The following PCMTD2 variants were observed in gnomAD, a reference collection of about 807,000 sequenced individuals.
PCMTD2 encodes the protein protein-L-isoaspartate O-methyltransferase domain-containing protein 2.
PCMTD2 carries 16 observed loss-of-function variants against 33.4 expected under a neutral mutation model. The ratio of observed to expected loss-of-function variants is 0.48; its 90% CI spans 0.32 to 0.73. The LOEUF (loss-of-function observed/expected upper bound fraction) is 0.73. PCMTD2 is among the 30% of genes least tolerant of loss of function. The probability of loss-of-function intolerance (pLI) is 0.03; values close to 1 mark genes in which losing one functional copy is unlikely to be tolerated. For missense variants in PCMTD2, 374 were observed against 449.9 expected (o/e 0.83, Z 1.53); for synonymous variants, 161 against 160.8 (o/e 1.00, Z -0.01).
At chr20:64,257,904 G>A (rs1042985789) in intron 1 of PCMTD2, among the ~76,000 whole-genome samples, 6 of 152,340 alleles carry the variant, frequency 3.9e-5, no homozygotes, top group African/African-American at 7.2e-5. Flanking sequence ...GCTTCTTAAT[G>A]TTGTGAAGTG....
intron 1 of PCMTD2, among the ~76,000 whole-genome samples, chr20:64,259,430 G>T (rs6122290): frequency 7.8e-6 from 1 of 127,578 alleles, no homozygotes; most frequent in Non-Finnish European, 1.6e-5. Context: ...GCTCTGTTCC[G>T]CAAGCTGGAG....
intron 5 of PCMTD2, among the ~76,000 whole-genome samples, chr20:64,269,624 G>A (rs111434309): frequency 6.4e-4 from 98 of 152,318 alleles, no homozygotes; most frequent in African/African-American, 2.3e-3. Flanking sequence ...TACGTGATAT[G>A]GGGTCATGTG....
chr20:64,273,889 C>G lies in PCMTD2; in HGVS notation c.*289C>G, dbSNP rs1986014075. The stretch of plus-strand genomic sequence containing the variant: ...AGAGAAGGCTGTTTCTTTTTCGGCT[C>G]TGACGAAACACTGAAGTCTGCGTAA... On this transcript the variant is annotated 3_prime_UTR_variant, in exon 6 of 6. Transcript: ENST00000308824. 1 of 288,670 alleles carries G rather than the reference C, an allele frequency of 3.5e-6. No individual in the cohort carries two copies. The highest frequency in any genetic ancestry group is 2.2e-5 in the African/African-American group (1 of 45,954). The allele number at this position is 288,670 out of a possible 1,614,324, so 17.9% of individuals were successfully genotyped here. A position where few individuals can be genotyped will look rare whatever the true frequency, so the allele number is the denominator to read the frequency against.
Position 64,273,726 on chromosome 20 carries a change from C to A in PCMTD2, c.*126C>A. The A allele has an allele frequency of 1.4e-6, 1 of 695,754 alleles. No homozygotes were observed. Among genetic ancestry groups the A allele is most frequent in the Admixed American group, 3.0e-5 (1 of 32,808 alleles). The allele number at this position is 695,754 out of a possible 1,614,324, so 43.1% of individuals were successfully genotyped here. A position where few individuals can be genotyped will look rare whatever the true frequency, so the allele number is the denominator to read the frequency against. ...GGGGAAGGGAACTGCTGGGCTCATCCACACCATGGTTTTCTTCTAGTTCCT... is the reference window on the plus strand; with the variant it reads ...GGGGAAGGGAACTGCTGGGCTCATCAACACCATGGTTTTCTTCTAGTTCCT... On this transcript the variant is annotated 3_prime_UTR_variant, in exon 6 of 6. Coordinates refer to ENST00000308824, the MANE Select transcript of PCMTD2 (RefSeq NM_018257.3).
At chr20:64,270,193 GGTC>G (rs1358396736) in intron 5 of PCMTD2, among the ~76,000 whole-genome samples, 1 of 141,164 alleles carries the variant, frequency 7.1e-6, no homozygotes, top group African/African-American at 2.7e-5. Flanking sequence ...CACGGTGTGG[GGTC>G]GTGAGTGCGG....
At chr20:64,271,621 A>G (rs1029081644) in intron 5 of PCMTD2, 4 of 152,722 alleles carry the variant, frequency 2.6e-5, no homozygotes, top group Non-Finnish European at 4.4e-5. Context: ...AAGCCACAGA[A>G]TGGATGTAAA....
intron 2 of PCMTD2, among the ~76,000 whole-genome samples, chr20:64,260,681 C>T: frequency 6.7e-6 from 1 of 148,936 alleles, no homozygotes; most frequent in East Asian, 2.0e-4. Context: ...TTTCGGAGTA[C>T]TTCTAAGCAG....
In PCMTD2 at chr20:64,265,555, C is replaced by A. The variant is rs756290974; in HGVS notation, c.582+126C>A. Reference sequence around the variant, plus strand: ...ACAAATGAGGAAACAGAGGCAGGGACAGGTGAGGGAGATGCAGGGTCACGC... The same window carrying A: ...ACAAATGAGGAAACAGAGGCAGGGAAAGGTGAGGGAGATGCAGGGTCACGC... On this transcript the variant is annotated intron_variant, in intron 4 of 5. Coordinates refer to ENST00000308824, the MANE Select transcript of PCMTD2 (RefSeq NM_018257.3). 20 of 780,124 alleles carry A rather than the reference C, an allele frequency of 2.6e-5. No homozygotes were observed. In the African/African-American group the frequency reaches 3.1e-4, roughly 12 times the overall value. 48.3% of individuals were successfully genotyped at this position (780,124 alleles called of 1,614,324 possible). A position where few individuals can be genotyped will look rare whatever the true frequency, so the allele number is the denominator to read the frequency against.
chr20:64,265,793 A>G (rs1266054081), intron 4 of PCMTD2, among the ~76,000 whole-genome samples: 1 of 151,228 alleles, frequency 6.6e-6, no homozygotes, highest in Non-Finnish European at 1.5e-5. Flanking sequence ...TGCTGTTAGA[A>G]TTATATATAA....
intron 2 of PCMTD2, among the ~76,000 whole-genome samples, chr20:64,260,757 G>A (rs1985381120): frequency 7.0e-6 from 1 of 143,184 alleles, no homozygotes; most frequent in Non-Finnish European, 1.5e-5. Context: ...CTAGGCTGGA[G>A]TGCCGTGACA....
intron 2 of PCMTD2, among the ~76,000 whole-genome samples, chr20:64,261,004 T>C (rs77479547): frequency 0.025 from 3,800 of 152,270 alleles, 142 homozygotes; most frequent in African/African-American, 0.086. Context: ...TACTTTTTTG[T>C]TTTAATACTA....
chr20:64,270,159 A>G (rs1191675542), intron 5 of PCMTD2, among the ~76,000 whole-genome samples: 1 of 96,872 alleles, frequency 1.0e-5, no homozygotes, highest in Non-Finnish European at 2.0e-5. Context: ...GCGGGCATGC[A>G]CGTTGTGGGG....
intron 1 of PCMTD2, chr20:64,256,504 C>T (rs1180440321): frequency 3.3e-5 from 5 of 152,224 alleles, no homozygotes; most frequent in African/African-American, 1.2e-4. Context: ...TTATCCACCC[C>T]CTCTTTACTC....
intron 4 of PCMTD2, among the ~76,000 whole-genome samples, chr20:64,267,234 A>C (rs1425130057): frequency 6.6e-6 from 1 of 152,196 alleles, no homozygotes; most frequent in Non-Finnish European, 1.5e-5. Context: ...TTCAAAAGAA[A>C]TGTTTTGATG....
At position 64,275,831 on chromosome 20, in the gene PCMTD2, G is replaced by A. The variant is rs1169421415; in HGVS notation, c.*2231G>A. On this transcript the variant is annotated 3_prime_UTR_variant, in exon 6 of 6. Coordinates refer to ENST00000308824, the MANE Select transcript of PCMTD2 (RefSeq NM_018257.3). ...TATGTGACTTTTGTCTTGAAAAGTA[G>A]TAAAGCCATAGACTTGTGCAAAACA... is the stretch of plus-strand genomic sequence containing the variant. The A allele has an allele frequency of 1.3e-5, 2 of 152,198 alleles. 1 individual carries two copies. The highest frequency in any genetic ancestry group is 1.3e-4 in the Admixed American group (2 of 15,284). 9.4% of individuals were successfully genotyped at this position (152,198 alleles called of 1,614,324 possible).
At chr20:64,264,594 C>G in intron 3 of PCMTD2, 63 bp downstream of exon 3, 1 of 838,262 alleles carries the variant, frequency 1.2e-6, no homozygotes, top group Non-Finnish European at 2.1e-6. Flanking sequence ...AAGTTTTGAT[C>G]AGATAGAAAG....
intron 5 of PCMTD2, among the ~76,000 whole-genome samples, chr20:64,269,151 G>C (rs929851576): frequency 1.3e-5 from 2 of 152,228 alleles, no homozygotes; most frequent in African/African-American, 4.8e-5. Flanking sequence ...TTAAATAAAA[G>C]ATACAGTGCC....
intron 4 of PCMTD2, among the ~76,000 whole-genome samples, chr20:64,267,441 G>A (rs550816576): frequency 8.4e-4 from 128 of 152,090 alleles, no homozygotes; most frequent in Non-Finnish European, 1.6e-3. Flanking sequence ...TGCCTATCAG[G>A]ACTTAGCCAC....
chr20:64,260,706 G>GTTTTTT (rs10585176), intron 2 of PCMTD2, among the ~76,000 whole-genome samples: 1 of 117,606 alleles, frequency 8.5e-6, no homozygotes, highest in African/African-American at 3.6e-5. Context: ...TGTTTTGTTG[G>GTTTTTT]TTTTTTTTTT....
Sources: allele counts gnomAD v4.1 joint callset (sites outside exome capture counted in the v4.1 genomes callset), GRCh38; gene constraint gnomAD v4.1.1; transcripts MANE v1.5; gene names NCBI Gene and HGNC (gene_info 2026-07-23, HGNC 2026-07-21).